The following MEGF8 variants were observed in gnomAD, a reference collection of about 807,000 sequenced individuals.
MEGF8 encodes multiple EGF like domains 8.
Under a neutral mutation model 302.9 loss-of-function variants are expected in MEGF8, and 156 were observed. That is an observed-to-expected ratio of 0.52 (90% CI 0.45 to 0.59). The LOEUF (loss-of-function observed/expected upper bound fraction) is 0.59, where lower values mean the gene tolerates loss of function less well. MEGF8 is among the 20% of genes least tolerant of loss of function. The probability of loss-of-function intolerance (pLI) is 0.00; values close to 1 mark genes in which losing one functional copy is unlikely to be tolerated. For synonymous variants in MEGF8, 1,621 were observed against 1,660.5 expected (o/e 0.98, Z 0.58); for missense variants, 3,345 against 3,964.5 (o/e 0.84, Z 4.20).
At chr19:42,364,496 A>G (rs1226877853) in intron 35 of MEGF8, among the ~76,000 whole-genome samples, 1 of 152,196 alleles carries the variant, frequency 6.6e-6, no homozygotes, top group African/African-American at 2.4e-5. Context: ...ACAACAGTGC[A>G]GGGATGTGGG....
rs746077303 is a variant in MEGF8 at position 42,369,068 on chromosome 19, G to A, written c.6641+66G>A. ...GGGAGAGTCTGTGGGGAGCAGTAAT[G>A]GATGAGGCCTAGAGCCAAGCAGGAC... On this transcript the variant is annotated intron_variant, in intron 37 of 41. Transcript: ENST00000251268. The surrounding 1 kb of genome is among the most constrained non-coding windows in gnomAD (Gnocchi z 5.7). 7.0e-6 allele frequency: 11 copies of A among 1,578,880 alleles called. No homozygotes were observed. The highest frequency in any genetic ancestry group is 1.3e-5 in the African/African-American group (1 of 74,298).
At chr19:42,366,231 C>T (rs1432226331) in intron 35 of MEGF8, among the ~76,000 whole-genome samples, 4 of 152,166 alleles carry the variant, frequency 2.6e-5, no homozygotes, top group African/African-American at 4.8e-5. Flanking sequence ...AACAGAGTCT[C>T]GCTCTGTCGC....
intron 1 of MEGF8, among the ~76,000 whole-genome samples, chr19:42,328,587 T>TGTGTGTGTGTGTGTGTGTGTGTGTGTGC (rs2039015258): frequency 6.6e-6 from 1 of 151,834 alleles, no homozygotes; most frequent in Admixed American, 6.6e-5. Context: ...TGTGTGTGTG[T>TGTGTGTGTGTGTGTGTGTGTGTGTGTGC]GTGGCGAAGG....
At chr19:42,333,457 C>T (rs2039080442) in intron 1 of MEGF8, 148 bp from the exon 2 acceptor site, 1 of 805,634 alleles carries the variant, frequency 1.2e-6, no homozygotes, top group East Asian at 2.7e-5. Context: ...AGACTGGGGG[C>T]CCCTTCAAGG....
intron 8 of MEGF8, among the ~76,000 whole-genome samples, chr19:42,342,506 G>A (rs1013474908): frequency 2.6e-5 from 4 of 152,068 alleles, no homozygotes; most frequent in East Asian, 3.9e-4. Flanking sequence ...GCTTGGTGGC[G>A]GGCGCCTGTA....
Position 42,354,643 on chromosome 19 carries a change from T to C in MEGF8, c.4067T>C (p.Val1356Ala). ...CCACGCTTCCTGGACACTGGTGTTG[T>C]CCAGTCGGACCGCAGCCTCATAGCT... ...GFPRFLDTGV[V>A]QSDRSLIAAF... The change falls in exon 23 of 42, where the codon GTC becomes GCC. Residue 1356 changes from valine (V) to alanine (A), a missense_variant. Coordinates refer to ENST00000251268, the MANE Select transcript of MEGF8 (RefSeq NM_001271938.2). This position sits in a 1 kb window ranked among gnomAD's most constrained non-coding sequence, Gnocchi z 4.3. 6.2e-7 allele frequency: 1 copy of C among 1,612,928 alleles called. No individual in the cohort carries two copies. The highest frequency in any genetic ancestry group is 1.1e-5 in the South Asian group (1 of 91,070).
At position 42,354,045 on chromosome 19, in the gene MEGF8, G is replaced by T; in HGVS notation, c.4011+21G>T. On this transcript the variant is annotated intron_variant, in intron 22 of 41. Transcript: ENST00000251268. This position sits in a 1 kb window ranked among gnomAD's most constrained non-coding sequence, Gnocchi z 4.3. The stretch of plus-strand genomic sequence containing the variant: ...GCACGGTGAGCACTGAGGAAACGAG[G>T]GTTCAGGCGCATGAGCCAGAACCGT... The T allele has an allele frequency of 6.3e-7, 1 of 1,579,800 alleles. No individual in the cohort carries two copies. The highest frequency in any genetic ancestry group is 8.6e-7 in the Non-Finnish European group (1 of 1,164,630).
In MEGF8 at chr19:42,356,597, A is replaced by C; in HGVS notation, c.4622+144A>C. On this transcript the variant is annotated intron_variant, in intron 26 of 41. Coordinates refer to ENST00000251268, the MANE Select transcript of MEGF8 (RefSeq NM_001271938.2). This position sits in a 1 kb window ranked among gnomAD's most constrained non-coding sequence, Gnocchi z 5.2. ...CTGGGACACTTGTCACAGGAAGCTC[A>C]CCCGGGGACACTTGGGGACCAGGGT... 1.1e-6 allele frequency: 1 copy of C among 949,524 alleles called. No homozygotes were observed. Among genetic ancestry groups the C allele is most frequent in the Non-Finnish European group, 1.5e-6 (1 of 651,406 alleles). 58.8% of individuals were successfully genotyped at this position (949,524 alleles called of 1,614,324 possible).
chr19:42,336,093 C>T lies in MEGF8; in HGVS notation c.991C>T (p.Pro331Ser). The T allele has an allele frequency of 6.2e-7, 1 of 1,602,462 alleles. No individual in the cohort carries two copies. The highest frequency in any genetic ancestry group is 8.5e-7 in the Non-Finnish European group (1 of 1,177,242). Residue 331 changes from proline (P) to serine (S), a missense_variant, in exon 6 of 42, where the codon CCC (proline) becomes TCC (serine). Transcript: ENST00000251268. This position sits in a 1 kb window ranked among gnomAD's most constrained non-coding sequence, Gnocchi z 4.8. ...ACCACCTGCCTCCAGCTCCTCGGGG[C>T]CCCCAGGCCTGGCAGGTCACGCGGC... ...LAPPASSSSG[P>S]PGLAGHAAAL...
chr19:42,349,752 C>T (rs1005365622), intron 14 of MEGF8, 53 bp downstream of exon 14: 23 of 1,562,694 alleles, frequency 1.5e-5, no homozygotes, highest in Non-Finnish European at 1.9e-5. Context: ...AGCCTCAGAT[C>T]ACCTGGGCTT....
Position 42,369,484 on chromosome 19 carries a change from C to T in MEGF8, c.6642-47C>T. 6.4e-7 allele frequency: 1 copy of T among 1,570,414 alleles called. No individual in the cohort carries two copies. The highest frequency in any genetic ancestry group is 8.6e-7 in the Non-Finnish European group (1 of 1,160,544). ...TTGGTTGGGTGCTAGGCCATGAAGC[C>T]ACGAGGAGGGTGGCCACCTGCCCTG... On this transcript the variant is annotated intron_variant, in intron 37 of 41. Coordinates refer to ENST00000251268, the MANE Select transcript of MEGF8 (RefSeq NM_001271938.2). This position sits in a 1 kb window ranked among gnomAD's most constrained non-coding sequence, Gnocchi z 5.7.
intron 14 of MEGF8, 90 bp downstream of exon 14, chr19:42,349,789 A>G: frequency 2.2e-6 from 3 of 1,372,304 alleles, no homozygotes; most frequent in Non-Finnish European, 3.0e-6. Flanking sequence ...CAAACTCTGA[A>G]ATCCCTAGAT....
Position 42,352,521 on chromosome 19 carries a change from G to A in MEGF8, c.3350+65G>A, listed in dbSNP as rs2039391281. The A allele has an allele frequency of 1.3e-6, 2 of 1,504,850 alleles. No homozygotes were observed. Among genetic ancestry groups the A allele is most frequent in the Non-Finnish European group, 1.8e-6 (2 of 1,119,466 alleles). The allele number at this position is 1,504,850 out of a possible 1,614,324, so 93.2% of individuals were successfully genotyped here. On this transcript the variant is annotated intron_variant, in intron 19 of 41. Coordinates refer to ENST00000251268, the MANE Select transcript of MEGF8 (RefSeq NM_001271938.2). This position sits in a 1 kb window ranked among gnomAD's most constrained non-coding sequence, Gnocchi z 4.4. ...GCTGGGGCACATGGAGGTGGAGGGA[G>A]GAAGCCATCATGGCGCTGGGTCCCC... is the stretch of plus-strand genomic sequence containing the variant.
rs1008783042 is a variant in MEGF8, at chr19:42,353,794, C to T, written c.3781C>T (p.Arg1261Trp). 6.9e-6 allele frequency: 11 copies of T among 1,603,428 alleles called. No individual in the cohort carries two copies. The highest frequency in any genetic ancestry group is 8.5e-6 in the Non-Finnish European group (10 of 1,172,718). ...GDPRAGGSCF[R>W]ECGGRALLTN... ...CCCCAGGGCCGGTGGTTCCTGCTTT[C>T]GGGAGTGTGGGGGTCGCGCCCTCCT... Residue 1261 changes from arginine to tryptophan, a missense_variant, in exon 22 of 42, where the codon CGG (arginine) becomes TGG (tryptophan). Physicochemically the swap from Arg to Trp is moderately radical, Grantham distance 101. Coordinates refer to ENST00000251268, the MANE Select transcript of MEGF8 (RefSeq NM_001271938.2). The surrounding 1 kb of genome is among the most constrained non-coding windows in gnomAD (Gnocchi z 6.1).
rs1329955120 is a variant in MEGF8 at position 42,352,129 on chromosome 19, C to T, written c.3102-79C>T. On this transcript the variant is annotated intron_variant, in intron 18 of 41. Coordinates refer to ENST00000251268, the MANE Select transcript of MEGF8 (RefSeq NM_001271938.2). This position sits in a 1 kb window ranked among gnomAD's most constrained non-coding sequence, Gnocchi z 4.4. ...GCATCCCTCTCCTTCCAATTGGCCT[C>T]CTCTCTCCCTGTCATTGTTTCTATG... The T allele has an allele frequency of 2.1e-6, 3 of 1,434,040 alleles. No individual in the cohort carries two copies. Among genetic ancestry groups the T allele is most frequent in the African/African-American group, 2.9e-5 (2 of 69,490 alleles). The allele number at this position is 1,434,040 out of a possible 1,614,324, so 88.8% of individuals were successfully genotyped here. A position where few individuals can be genotyped will look rare whatever the true frequency, so the allele number is the denominator to read the frequency against.
At chr19:42,339,274 G>T (rs905185856) in intron 8 of MEGF8, among the ~76,000 whole-genome samples, 31 of 152,186 alleles carry the variant, frequency 2.0e-4, no homozygotes, top group African/African-American at 7.2e-4. Flanking sequence ...TGGGATTGCT[G>T]GGTCAAATGG....
At position 42,358,389 on chromosome 19, in the gene MEGF8, C is replaced by A; in HGVS notation, c.5175+82C>A. On this transcript the variant is annotated intron_variant, in intron 29 of 41. Coordinates refer to ENST00000251268, the MANE Select transcript of MEGF8 (RefSeq NM_001271938.2). This position sits in a 1 kb window ranked among gnomAD's most constrained non-coding sequence, Gnocchi z 4.4. ...TTCCCAGTGCCCCAGGGACTGGCTC[C>A]ATCCCAGATTCCTGCTTCCCCTCCT... 6.9e-7 allele frequency: 1 copy of A among 1,452,726 alleles called. No homozygotes were observed. Among genetic ancestry groups the A allele is most frequent in the Non-Finnish European group, 9.2e-7 (1 of 1,088,598 alleles). The allele number at this position is 1,452,726 out of a possible 1,614,324, so 90.0% of individuals were successfully genotyped here. A position where few individuals can be genotyped will look rare whatever the true frequency, so the allele number is the denominator to read the frequency against.
At position 42,356,901 on chromosome 19, in the gene MEGF8, C is replaced by G; in HGVS notation, c.4750C>G (p.Leu1584Val). Residue 1584 changes from leucine (L) to valine (V), a missense_variant, in exon 27 of 42, where the codon CTG becomes GTG. Coordinates refer to ENST00000251268, the MANE Select transcript of MEGF8 (RefSeq NM_001271938.2). The surrounding 1 kb of genome is among the most constrained non-coding windows in gnomAD (Gnocchi z 5.2). Reference sequence around the variant, plus strand: ...CGCTGGCCGTGGTGCCATGTATCTGCTGGGGGGACTTACCGCTGGAGGCGT... The same window carrying G: ...CGCTGGCCGTGGTGCCATGTATCTGGTGGGGGGACTTACCGCTGGAGGCGT... ...VPAGRGAMYL[L>V]GGLTAGGVTR... is the part of the protein sequence containing the mutation. 1.2e-6 allele frequency: 2 copies of G among 1,609,324 alleles called. No homozygotes were observed. The highest frequency in any genetic ancestry group is 1.3e-5 in the African/African-American group (1 of 74,980).
At chr19:42,362,063 G>C (rs762196281) in intron 32 of MEGF8, 27 bp from the exon 33 acceptor site, 16 of 1,609,282 alleles carry the variant, frequency 9.9e-6, no homozygotes, top group Middle Eastern at 1.7e-4. Flanking sequence ...GGATGGGTGT[G>C]AGTGAGCCAG....
Sources: allele counts gnomAD v4.1 joint callset (sites outside exome capture counted in the v4.1 genomes callset), GRCh38; gene constraint gnomAD v4.1.1; non-coding constraint Gnocchi (gnomAD v3.1); transcripts MANE v1.5; gene names NCBI Gene and HGNC (gene_info 2026-07-23, HGNC 2026-07-21).